Variants in ZCCHC7 observed in about 807,000 individuals in gnomAD.
ZCCHC7 encodes zinc finger CCHC-type containing 7, also known as zinc finger CCHC domain-containing protein 7.
ZCCHC7 carries 35 observed loss-of-function variants against 52.0 expected under a neutral mutation model. The observed-to-expected ratio is 0.67, with a 90% CI of 0.51 to 0.89. The LOEUF (loss-of-function observed/expected upper bound fraction) is 0.89. Ranked by LOEUF, ZCCHC7 falls within the 40% of genes least tolerant of loss-of-function variation. The pLI, the probability that ZCCHC7 is intolerant of heterozygous loss-of-function variation, is 0.00. For synonymous variants in ZCCHC7, 217 were observed against 221.5 expected (o/e 0.98, Z 0.18); for missense variants, 574 against 649.1 (o/e 0.88, Z 1.26).
intron 5 of ZCCHC7, among the ~76,000 whole-genome samples, chr9:37,321,013 G>T (rs1310594744): frequency 7.3e-6 from 1 of 137,394 alleles, no homozygotes; most frequent in African/African-American, 2.7e-5. Flanking sequence ...TTTTGAGATG[G>T]AATCTCACTC....
chr9:37,190,035 C>A (rs1231232816), intron 2 of ZCCHC7, among the ~76,000 whole-genome samples: 2 of 152,190 alleles, frequency 1.3e-5, no homozygotes, highest in African/African-American at 2.4e-5. Flanking sequence ...CTTTATACTT[C>A]CAGCTACAGA....
rs1822942203 is a variant in ZCCHC7 at position 37,190,146 on chromosome 9, A to G, written c.610+63204A>G. Among the ~76,000 whole-genome samples the G allele has an allele frequency of 2.0e-5, 3 of 152,234 alleles. No homozygotes were observed. In the South Asian group the frequency reaches 6.2e-4, roughly 32 times the overall value. Reference sequence around the variant, plus strand: ...GAAGACAGAGAAAAAAATAAGCAAAAAGAATTCTTGCTACCCTCTTGATGA... The same window carrying G: ...GAAGACAGAGAAAAAAATAAGCAAAGAGAATTCTTGCTACCCTCTTGATGA... On this transcript the variant is annotated intron_variant, in intron 2 of 8. Coordinates refer to ENST00000336755, the MANE Select transcript of ZCCHC7 (RefSeq NM_032226.3).
chr9:37,328,179 A>G (rs2118184757), intron 6 of ZCCHC7, among the ~76,000 whole-genome samples: 1 of 152,164 alleles, frequency 6.6e-6, no homozygotes, highest in Middle Eastern at 3.4e-3. Flanking sequence ...TGTATTATCC[A>G]CAGTCCACAA....
At chr9:37,308,826 C>T (rs1829456638) in intron 5 of ZCCHC7, among the ~76,000 whole-genome samples, 2 of 151,744 alleles carry the variant, frequency 1.3e-5, no homozygotes, top group African/African-American at 2.4e-5. Context: ...ACTAAAAATA[C>T]AAAAATTAGC....
intron 2 of ZCCHC7, among the ~76,000 whole-genome samples, chr9:37,189,773 C>T (rs937490759): frequency 3.3e-5 from 5 of 152,150 alleles, no homozygotes; most frequent in Non-Finnish European, 7.4e-5. Flanking sequence ...GTTCCAATGC[C>T]AGTTTCCTTT....
chr9:37,299,993 T>G (rs1303132868), intron 2 of ZCCHC7, among the ~76,000 whole-genome samples: 1 of 152,170 alleles, frequency 6.6e-6, no homozygotes, highest in African/African-American at 2.4e-5. Context: ...TTTTTATATG[T>G]GCAGGTTCCA....
At chr9:37,121,600 GAGAAT>G (rs1235753950) in intron 1 of ZCCHC7, 1 of 152,178 alleles carries the variant, frequency 6.6e-6, no homozygotes, top group East Asian at 1.9e-4. Flanking sequence ...ATGCTTTCAG[GAGAAT>G]CTGAGCATGG....
intron 5 of ZCCHC7, among the ~76,000 whole-genome samples, chr9:37,306,514 G>A (rs1269094093): frequency 6.6e-6 from 1 of 151,140 alleles, no homozygotes; most frequent in African/African-American, 2.4e-5. Flanking sequence ...TGCCCAGGCT[G>A]GAGTGCAGTG....
intron 2 of ZCCHC7, among the ~76,000 whole-genome samples, chr9:37,252,272 T>G (rs563895658): frequency 6.0e-4 from 91 of 152,186 alleles, no homozygotes; most frequent in Non-Finnish European, 9.7e-4. Flanking sequence ...AGTATTTACC[T>G]GAAAACAGTA....
intron 2 of ZCCHC7, among the ~76,000 whole-genome samples, chr9:37,254,142 C>T (rs10973268): frequency 4.0e-5 from 6 of 151,656 alleles, no homozygotes; most frequent in African/African-American, 9.7e-5. Context: ...ATGGTGAGAA[C>T]GTACAACCAG....
At chr9:37,218,467 G>T (rs1824630816) in intron 2 of ZCCHC7, among the ~76,000 whole-genome samples, 1 of 152,164 alleles carries the variant, frequency 6.6e-6, no homozygotes, top group South Asian at 2.1e-4. Context: ...ATTCCCCCCT[G>T]TGTTTATTTT....
intron 2 of ZCCHC7, among the ~76,000 whole-genome samples, chr9:37,214,655 A>G (rs1824411014): frequency 6.6e-6 from 1 of 151,976 alleles, no homozygotes; most frequent in Non-Finnish European, 1.5e-5. Context: ...TGAATTATTT[A>G]TTACATTAAT....
intron 2 of ZCCHC7, among the ~76,000 whole-genome samples, chr9:37,251,642 G>T (rs757344123): frequency 6.6e-6 from 1 of 152,156 alleles, no homozygotes; most frequent in African/African-American, 2.4e-5. Context: ...ATTTAATCAG[G>T]GTCAGAGAGG....
At chr9:37,157,347 TC>T (rs1264281215) in intron 2 of ZCCHC7, among the ~76,000 whole-genome samples, 2 of 151,872 alleles carry the variant, frequency 1.3e-5, no homozygotes, top group African/African-American at 4.8e-5. Flanking sequence ...AAGAAAATTA[TC>T]CAGGTGTGGT....
chr9:37,331,725 C>G (rs964375874), intron 6 of ZCCHC7, among the ~76,000 whole-genome samples: 2 of 151,602 alleles, frequency 1.3e-5, no homozygotes, highest in Non-Finnish European at 3.0e-5. Flanking sequence ...AGAATCTTTT[C>G]TTTTCCTGGT....
In ZCCHC7 at chr9:37,266,059, A is replaced by AG. The variant is rs149829135; in HGVS notation, c.611-36128dup. Among the ~76,000 whole-genome samples, 777 of 152,366 alleles carry AG rather than the reference A, an allele frequency of 5.1e-3. 4 individuals carry two copies. The highest frequency in any genetic ancestry group is 0.018 in the African/African-American group (741 of 41,596). On this transcript the variant is annotated intron_variant, in intron 2 of 8. Coordinates refer to ENST00000336755, the MANE Select transcript of ZCCHC7 (RefSeq NM_032226.3). Reference sequence around the variant, plus strand: ...CCACTTCTACTTCTTCTTTAAGGTCAGACATAGAAAGAAAAGAGTAGGAAC... The same window carrying AG: ...CCACTTCTACTTCTTCTTTAAGGTCAGGACATAGAAAGAAAAGAGTAGGAAC...
intron 3 of ZCCHC7, 92 bp downstream of exon 3, chr9:37,302,323 T>G: frequency 9.4e-7 from 1 of 1,064,528 alleles, no homozygotes; most frequent in Non-Finnish European, 1.4e-6. Context: ...TAAGTTTAAG[T>G]GGCTTATAAG....
In ZCCHC7 at chr9:37,257,175, G is replaced by A. The variant is rs539521767; in HGVS notation, c.611-45013G>A. ...TTTTGGAAGGGCAAATCAATATGGC[G>A]GGTAGAGGCTAGTTGGTGAAGCTTA... On this transcript the variant is annotated intron_variant, in intron 2 of 8. Transcript: ENST00000336755. 7.2e-5 allele frequency among the ~76,000 whole-genome samples: 11 copies of A among 152,274 alleles called. No individual in the cohort carries two copies. The East Asian group carries it at 9.6e-4, about 13-fold the overall frequency.
chr9:37,256,266 C>T (rs1826582547), intron 2 of ZCCHC7, among the ~76,000 whole-genome samples: 1 of 152,138 alleles, frequency 6.6e-6, no homozygotes, highest in Admixed American at 6.5e-5. Flanking sequence ...TCTTTATATA[C>T]TAGCCAACAG....
Sources: allele counts gnomAD v4.1 joint callset (sites outside exome capture counted in the v4.1 genomes callset), GRCh38; gene constraint gnomAD v4.1.1; transcripts MANE v1.5; gene names NCBI Gene and HGNC (gene_info 2026-07-23, HGNC 2026-07-21).